RFX4: variants seen among roughly 807,000 people sequenced by gnomAD.
The protein encoded by RFX4 is regulatory factor X4, also known as transcription factor RFX4.
A neutral mutation model predicts 95.0 loss-of-function variants in RFX4; 10 were observed. The observed-to-expected ratio is 0.11, with a 90% CI of 0.06 to 0.18. The LOEUF (loss-of-function observed/expected upper bound fraction) is 0.18. Among genes scored for constraint, RFX4 ranks in the 10% least tolerant of loss-of-function variants. The probability of loss-of-function intolerance (pLI) is 1.00; values close to 1 mark genes in which losing one functional copy is unlikely to be tolerated. For missense variants in RFX4, 640 were observed against 922.0 expected (o/e 0.69, Z 3.96); for synonymous variants, 321 against 340.7 (o/e 0.94, Z 0.64).
In RFX4 at chr12:106,583,057, T is replaced by C. The variant is rs2137153370; in HGVS notation, c.-264T>C. Reference sequence around the variant, plus strand: ...CCGGCTGGATTACTGAGTGTCCCCTTGCTCGCTCGCTTTTTCTCTCTCCCC... The same window carrying C: ...CCGGCTGGATTACTGAGTGTCCCCTCGCTCGCTCGCTTTTTCTCTCTCCCC... On this transcript the variant is annotated 5_prime_UTR_variant, in exon 1 of 18. Transcript: ENST00000392842. 2 of 430,640 alleles carry C rather than the reference T, an allele frequency of 4.6e-6. No homozygotes were observed. The highest frequency in any genetic ancestry group is 4.1e-6 in the Non-Finnish European group (1 of 246,550). The allele number at this position is 430,640 out of a possible 1,614,324, so 26.7% of individuals were successfully genotyped here.
intron 13 of RFX4, among the ~76,000 whole-genome samples, chr12:106,730,925 G>C (rs902002335): frequency 3.3e-5 from 5 of 152,116 alleles, no homozygotes; most frequent in Non-Finnish European, 7.4e-5. Flanking sequence ...GCTTGAACTC[G>C]GGAGGCAGAG....
rs2039400161 is a variant in RFX4 at position 106,583,277 on chromosome 12, CA to C, written c.-43del. 7.3e-7 allele frequency: 1 copy of C among 1,364,972 alleles called. No homozygotes were observed. The highest frequency in any genetic ancestry group is 1.5e-5 in the African/African-American group (1 of 65,046). 84.6% of individuals were successfully genotyped at this position (1,364,972 alleles called of 1,614,324 possible). ...ATCTCTAGCACAGGGGATCCCCAAA[CA>C]TCAGGACTTTTGGGGGGCGCCTGTG... On this transcript the variant is annotated 5_prime_UTR_variant, in exon 1 of 18. Transcript: ENST00000392842.
rs562786591 is a variant in RFX4 at position 106,595,353 on chromosome 12, G to A, written c.43+11990G>A. Among the ~76,000 whole-genome samples the A allele has an allele frequency of 2.0e-5, 3 of 152,308 alleles. No individual in the cohort carries two copies. The East Asian group carries it at 5.8e-4, about 29-fold the overall frequency. On this transcript the variant is annotated intron_variant, in intron 1 of 17. Transcript: ENST00000392842. ...CTCCTCTACTGCATAAAGTTCAGGAGGTCCAGTCATTCCCTCATCCTGGTG... is the reference window on the plus strand; with the variant it reads ...CTCCTCTACTGCATAAAGTTCAGGAAGTCCAGTCATTCCCTCATCCTGGTG...
chr12:106,740,201 AC>A lies in RFX4; in HGVS notation c.1633+7117del, dbSNP rs2042782293. 1.3e-5 allele frequency among the ~76,000 whole-genome samples: 2 copies of A among 152,224 alleles called. 1 individual carries two copies. Among genetic ancestry groups the A allele is most frequent in the Non-Finnish European group, 2.9e-5 (2 of 68,030 alleles). On this transcript the variant is annotated intron_variant, in intron 15 of 17. Transcript: ENST00000392842. Reference sequence around the variant, plus strand: ...AGCGAATTCCTCATAAATGGCCCTAACTGTAGAACATCTGGCCTGCCCAGCT... The same window carrying A: ...AGCGAATTCCTCATAAATGGCCCTAATGTAGAACATCTGGCCTGCCCAGCT...
chr12:106,741,103 TTTGACCATGGAACTA>T (rs1166382457), intron 15 of RFX4, among the ~76,000 whole-genome samples: 6 of 152,188 alleles, frequency 3.9e-5, no homozygotes, highest in African/African-American at 4.8e-5. Context: ...TCAATCAGAT[TTTGACCATGGAACTA>T]TTGGTAAAGT....
At chr12:106,702,013 A>G (rs1020466449) in intron 8 of RFX4, among the ~76,000 whole-genome samples, 1 of 152,068 alleles carries the variant, frequency 6.6e-6, no homozygotes, top group Admixed American at 6.6e-5. Context: ...AATAATAATT[A>G]TTATCACATT....
intron 9 of RFX4, among the ~76,000 whole-genome samples, chr12:106,709,729 C>T (rs1386403457): frequency 6.6e-6 from 1 of 152,176 alleles, no homozygotes; most frequent in Non-Finnish European, 1.5e-5. Flanking sequence ...CCACCACCAT[C>T]CTCCTTATCT....
At chr12:106,620,639 T>C (rs1025240865) in intron 2 of RFX4, among the ~76,000 whole-genome samples, 1 of 152,098 alleles carries the variant, frequency 6.6e-6, no homozygotes, top group African/African-American at 2.4e-5. Context: ...CAGCGGTGCA[T>C]GTATTGTCTT....
At chr12:106,641,195 C>T (rs1015900554) in intron 3 of RFX4, among the ~76,000 whole-genome samples, 5 of 152,208 alleles carry the variant, frequency 3.3e-5, no homozygotes, top group Non-Finnish European at 7.3e-5. Flanking sequence ...GATTCCAGGA[C>T]ATCTGCCTGG....
intron 3 of RFX4, among the ~76,000 whole-genome samples, chr12:106,641,505 G>T (rs747130480): frequency 1.3e-5 from 2 of 152,144 alleles, no homozygotes; most frequent in African/African-American, 2.4e-5. Flanking sequence ...AGCAGGCCCC[G>T]TCTCCTCCCT....
At chr12:106,618,560 C>G (rs1389615478) in intron 2 of RFX4, among the ~76,000 whole-genome samples, 1 of 151,944 alleles carries the variant, frequency 6.6e-6, no homozygotes, top group Non-Finnish European at 1.5e-5. Flanking sequence ...TGATATTATA[C>G]AGCTACACCA....
At position 106,614,477 on chromosome 12, in the gene RFX4, C is replaced by CTGTGTGTGTGTGTG. The variant is rs34226201; in HGVS notation, c.130+5624_130+5637dup. On this transcript the variant is annotated intron_variant, in intron 2 of 17. Transcript: ENST00000392842. ...CCCGGCCCTTCTTCACGTCTTTTGC[C>CTGTGTGTGTGTGTG]TGTGTGTGTGTGTGTGTGTGTGTGT... is the stretch of plus-strand genomic sequence containing the variant. 1.9e-3 allele frequency among the ~76,000 whole-genome samples: 240 copies of CTGTGTGTGTGTGTG among 127,850 alleles called. 3 individuals are homozygous for CTGTGTGTGTGTGTG. Among genetic ancestry groups the CTGTGTGTGTGTGTG allele is most frequent in the African/African-American group, 3.1e-3 (106 of 34,012 alleles). The allele number at this position is 127,850 out of a possible 152,430, so 83.9% of individuals were successfully genotyped here.
intron 4 of RFX4, among the ~76,000 whole-genome samples, chr12:106,666,742 A>G (rs1402028744): frequency 1.3e-5 from 2 of 152,144 alleles, no homozygotes; most frequent in Non-Finnish European, 2.9e-5. Flanking sequence ...TTTGATCTTT[A>G]GCATTTCTTT....
rs183688492 is a variant in RFX4 at position 106,654,384 on chromosome 12, A to G, written c.315+33A>G. ...CAGCCTCATCAGGCTTGTCCTCCCT[A>G]CCACCCCAACTTTAAGTAATTTATG... On this transcript the variant is annotated intron_variant, in intron 4 of 17. Transcript: ENST00000392842. 3.0e-4 allele frequency: 471 copies of G among 1,592,516 alleles called. 1 individual carries two copies. Among genetic ancestry groups the G allele is most frequent in the Admixed American group, 1.9e-3 (107 of 55,120 alleles).
intron 3 of RFX4, among the ~76,000 whole-genome samples, chr12:106,640,036 G>A (rs2040588126): frequency 1.3e-5 from 2 of 152,188 alleles, no homozygotes; most frequent in African/African-American, 4.8e-5. Context: ...CGAGCAATAT[G>A]AAGGAATTAA....
At chr12:106,593,785 G>A (rs1225636888) in intron 1 of RFX4, among the ~76,000 whole-genome samples, 1 of 152,174 alleles carries the variant, frequency 6.6e-6, no homozygotes, top group Non-Finnish European at 1.5e-5. Context: ...TCCATACATA[G>A]AACATATTTA....
chr12:106,640,907 A>T (rs954523636), intron 3 of RFX4, among the ~76,000 whole-genome samples: 1 of 149,184 alleles, frequency 6.7e-6, no homozygotes, highest in African/African-American at 2.5e-5. Context: ...CAGCCTCCCT[A>T]CTAGCTGGGA....
intron 7 of RFX4, chr12:106,693,234 A>G: frequency 3.8e-6 from 1 of 261,208 alleles, no homozygotes; most frequent in Non-Finnish European, 7.8e-6. Context: ...TAAATGACCT[A>G]AAATGCAGAG....
intron 15 of RFX4, 79 bp downstream of exon 15, chr12:106,733,164 A>C: frequency 6.8e-7 from 1 of 1,464,754 alleles, no homozygotes; most frequent in Non-Finnish European, 9.5e-7. Flanking sequence ...CAACATAGTG[A>C]GACTTCATTT....
Sources: gnomAD v4.1 joint callset for allele counts (sites outside exome capture counted in the v4.1 genomes callset) on GRCh38, gnomAD v4.1.1 for gene constraint, MANE v1.5 for transcripts, NCBI Gene and HGNC (gene_info 2026-07-23, HGNC 2026-07-21) for gene names.